Variants in MAGI1 observed in about 807,000 individuals in gnomAD.
MAGI1 encodes membrane associated guanylate kinase, WW and PDZ domain containing 1, also known as membrane-associated guanylate kinase, WW and PDZ domain-containing protein 1.
MAGI1 carries 58 observed loss-of-function variants against 139.9 expected under a neutral mutation model. The observed-to-expected ratio is 0.41, with a 90% CI of 0.34 to 0.52. MAGI1 has a LOEUF of 0.52. Among genes scored for constraint, MAGI1 ranks in the 20% least tolerant of loss-of-function variants. The pLI is 0.12. For synonymous variants in MAGI1, 812 were observed against 737.9 expected (o/e 1.10, Z -1.63); for missense variants, 1,874 against 1,901.6 (o/e 0.99, Z 0.27).
At chr3:65,711,880 T>G (rs1017877469) in intron 1 of MAGI1, among the ~76,000 whole-genome samples, 1 of 152,238 alleles carries the variant, frequency 6.6e-6, no homozygotes, top group East Asian at 1.9e-4. Flanking sequence ...TACCTTGTTA[T>G]GGCAGCCTCG....
chr3:65,738,618 G>C (rs991226118), intron 1 of MAGI1, among the ~76,000 whole-genome samples: 1 of 152,208 alleles, frequency 6.6e-6, no homozygotes, highest in Non-Finnish European at 1.5e-5. Flanking sequence ...AGACTTGAAA[G>C]TTTAAGTGAC....
intron 1 of MAGI1, among the ~76,000 whole-genome samples, chr3:65,978,352 G>A (rs1260019077): frequency 6.6e-6 from 1 of 152,172 alleles, no homozygotes; most frequent in Non-Finnish European, 1.5e-5. Context: ...ACACTGATAA[G>A]TAGGAAATTC....
intron 1 of MAGI1, among the ~76,000 whole-genome samples, chr3:65,880,868 G>A (rs1018032648): frequency 2.7e-5 from 4 of 146,860 alleles, no homozygotes; most frequent in African/African-American, 5.1e-5. Flanking sequence ...CATCACTTTC[G>A]TCCTCTTCCG....
chr3:65,556,587 A>C (rs1404236353), intron 2 of MAGI1, among the ~76,000 whole-genome samples: 1 of 152,204 alleles, frequency 6.6e-6, no homozygotes, highest in Non-Finnish European at 1.5e-5. Flanking sequence ...AAATTCTGAC[A>C]ATTTTCCTCC....
intron 5 of MAGI1, among the ~76,000 whole-genome samples, chr3:65,453,910 T>G (rs1403390075): frequency 6.6e-5 from 10 of 152,184 alleles, no homozygotes; most frequent in Non-Finnish European, 1.5e-4. Flanking sequence ...TTACTCGTCA[T>G]AAATAGAATC....
chr3:65,562,262 G>A (rs1332394177), intron 2 of MAGI1, among the ~76,000 whole-genome samples: 3 of 152,066 alleles, frequency 2.0e-5, no homozygotes, highest in Non-Finnish European at 2.9e-5. Context: ...AACTTACCAC[G>A]TTTTATCAAA....
At chr3:65,607,122 CAAT>C (rs1445210983) in intron 2 of MAGI1, among the ~76,000 whole-genome samples, 2 of 151,516 alleles carry the variant, frequency 1.3e-5, no homozygotes, top group Non-Finnish European at 2.9e-5. Flanking sequence ...AAATAAATAA[CAAT>C]AACATAATTC....
chr3:66,003,982 A>G (rs1321487206), intron 1 of MAGI1: 1 of 152,140 alleles, frequency 6.6e-6, no homozygotes, highest in East Asian at 1.9e-4. Context: ...AAGGCGGGGG[A>G]CATCACAATA....
At chr3:65,917,861 C>T (rs2061980440) in intron 1 of MAGI1, among the ~76,000 whole-genome samples, 1 of 152,194 alleles carries the variant, frequency 6.6e-6, no homozygotes, top group African/African-American at 2.4e-5. Flanking sequence ...CGTGTCATTA[C>T]ATATTTGTTC....
At chr3:65,449,706 C>T (rs1948907989) in intron 6 of MAGI1, among the ~76,000 whole-genome samples, 3 of 152,060 alleles carry the variant, frequency 2.0e-5, no homozygotes, top group Admixed American at 2.0e-4. Context: ...AACAGGGAGG[C>T]AAAGGTTGCA....
At chr3:65,981,080 G>C (rs1246054305) in intron 1 of MAGI1, among the ~76,000 whole-genome samples, 1 of 148,102 alleles carries the variant, frequency 6.8e-6, no homozygotes, top group Admixed American at 6.9e-5. Flanking sequence ...AGAATCACTT[G>C]AACCCGGGAG....
At chr3:65,609,225 T>A (rs987937968) in intron 2 of MAGI1, among the ~76,000 whole-genome samples, 1 of 152,142 alleles carries the variant, frequency 6.6e-6, no homozygotes, top group Non-Finnish European at 1.5e-5. Context: ...ACCATGCAGT[T>A]AAGATTTTTA....
intron 1 of MAGI1, among the ~76,000 whole-genome samples, chr3:65,967,263 G>A (rs111773532): frequency 1.3e-5 from 2 of 152,346 alleles, no homozygotes; most frequent in African/African-American, 4.8e-5. Context: ...CAGAATCTAA[G>A]TAGCGGGCAT....
chr3:65,610,765 C>CTATATAT (rs2083021499), intron 2 of MAGI1, among the ~76,000 whole-genome samples: 1 of 27,036 alleles, frequency 3.7e-5, no homozygotes, highest in African/African-American at 1.0e-4. Context: ...ATATATATAG[C>CTATATAT]ATATATATAT....
intron 12 of MAGI1, among the ~76,000 whole-genome samples, chr3:65,416,462 A>G (rs984405751): frequency 2.0e-5 from 3 of 152,206 alleles, no homozygotes; most frequent in Non-Finnish European, 2.9e-5. Context: ...ACACCAAATG[A>G]GATTTCTAGA....
intron 2 of MAGI1, among the ~76,000 whole-genome samples, chr3:65,547,001 T>A (rs1344025240): frequency 3.3e-5 from 5 of 152,232 alleles, no homozygotes; most frequent in Non-Finnish European, 5.9e-5. Flanking sequence ...GTATGTAAGC[T>A]AACATTCATA....
chr3:65,749,905 T>C (rs1576994531), intron 1 of MAGI1, among the ~76,000 whole-genome samples: 1 of 152,238 alleles, frequency 6.6e-6, no homozygotes, highest in South Asian at 2.1e-4. Flanking sequence ...ATCCAGATGA[T>C]ACAGAGCTTA....
At chr3:65,410,975 T>C (rs1945749627) in intron 12 of MAGI1, among the ~76,000 whole-genome samples, 1 of 152,144 alleles carries the variant, frequency 6.6e-6, no homozygotes, top group African/African-American at 2.4e-5. Context: ...AGAGAAAAGA[T>C]ATGGAATGAG....
intron 1 of MAGI1, among the ~76,000 whole-genome samples, chr3:65,919,795 C>G (rs1274582675): frequency 1.3e-5 from 2 of 152,078 alleles, no homozygotes; most frequent in African/African-American, 4.8e-5. Flanking sequence ...AATAATTTCT[C>G]TCATACAGTC....
Sources: gnomAD v4.1 joint callset for allele counts (sites outside exome capture counted in the v4.1 genomes callset) on GRCh38, gnomAD v4.1.1 for gene constraint, MANE v1.5 for transcripts, NCBI Gene and HGNC (gene_info 2026-07-23, HGNC 2026-07-21) for gene names.